Variants in RALGPS2 observed in about 807,000 individuals in gnomAD.
RALGPS2 encodes ras-specific guanine nucleotide-releasing factor RalGPS2.
Under a neutral mutation model 86.8 loss-of-function variants are expected in RALGPS2, and 43 were observed. That is an observed-to-expected ratio of 0.50 (90% CI 0.39 to 0.64). RALGPS2 has a LOEUF of 0.64. RALGPS2 is among the 30% of genes least tolerant of loss of function. The pLI, the probability that RALGPS2 is intolerant of heterozygous loss-of-function variation, is 0.00. For missense variants in RALGPS2, 536 were observed against 694.6 expected (o/e 0.77, Z 2.57); for synonymous variants, 243 against 231.3 (o/e 1.05, Z -0.46).
chr1:178,741,548 T>G (rs1651025287), intron 1 of RALGPS2, among the ~76,000 whole-genome samples: 1 of 152,200 alleles, frequency 6.6e-6, no homozygotes, highest in Admixed American at 6.6e-5. Flanking sequence ...AAACAAGATG[T>G]GATTCTTGGT....
At chr1:178,788,777 T>G (rs767155557) in intron 4 of RALGPS2, among the ~76,000 whole-genome samples, 1 of 147,224 alleles carries the variant, frequency 6.8e-6, no homozygotes, top group Non-Finnish European at 1.5e-5. Flanking sequence ...TAAGTCGCTC[T>G]TTTTTTTCTC....
chr1:178,865,013 A>G, intron 8 of RALGPS2: 3 of 1,477,266 alleles, frequency 2.0e-6, no homozygotes, highest in Non-Finnish European at 1.8e-6. Flanking sequence ...AGAAGTTGCC[A>G]GATCAGGTGG....
intron 4 of RALGPS2, among the ~76,000 whole-genome samples, chr1:178,799,179 A>G (rs569402475): frequency 1.3e-5 from 2 of 152,272 alleles, no homozygotes; most frequent in South Asian, 4.1e-4. Context: ...AGCTTGGATT[A>G]CAGGCACATG....
intron 1 of RALGPS2, among the ~76,000 whole-genome samples, chr1:178,769,280 C>T (rs931705862): frequency 5.3e-5 from 8 of 151,268 alleles, no homozygotes; most frequent in African/African-American, 1.7e-4. Flanking sequence ...GTGGAGAGGA[C>T]CCACCATGCA....
At chr1:178,770,270 C>T (rs1468355438) in intron 1 of RALGPS2, among the ~76,000 whole-genome samples, 1 of 151,838 alleles carries the variant, frequency 6.6e-6, no homozygotes, top group Non-Finnish European at 1.5e-5. Flanking sequence ...GCAATCCACC[C>T]ACCTCGGCCT....
intron 2 of RALGPS2, among the ~76,000 whole-genome samples, chr1:178,779,077 G>C (rs181614023): frequency 4.2e-4 from 64 of 152,138 alleles, no homozygotes; most frequent in African/African-American, 1.5e-3. Context: ...TCTTTTACTT[G>C]GAATCACTAA....
At chr1:178,902,917 A>G (rs1057269983) in intron 18 of RALGPS2, among the ~76,000 whole-genome samples, 3 of 152,178 alleles carry the variant, frequency 2.0e-5, no homozygotes, top group African/African-American at 7.2e-5. Flanking sequence ...ACACTTATGA[A>G]TAAAATAACT....
intron 1 of RALGPS2, chr1:178,747,732 TCCCA>T (rs1367060532): frequency 8.4e-7 from 1 of 1,194,566 alleles, no homozygotes; most frequent in Admixed American, 1.8e-5. Context: ...CTCCTTGAAC[TCCCA>T]CTTGATGGTG....
chr1:178,861,138 G>C (rs1427098690), intron 8 of RALGPS2, among the ~76,000 whole-genome samples: 1 of 152,010 alleles, frequency 6.6e-6, no homozygotes, highest in East Asian at 1.9e-4. Flanking sequence ...GTAGAACCAG[G>C]TGTTCTTAAT....
chr1:178,856,596 G>A (rs2102308676), intron 8 of RALGPS2, among the ~76,000 whole-genome samples: 1 of 151,216 alleles, frequency 6.6e-6, no homozygotes, highest in Admixed American at 6.6e-5. Flanking sequence ...CCAACTTTGT[G>A]CTTCTGGGAT....
chr1:178,735,979 C>T (rs1650677559), intron 1 of RALGPS2, among the ~76,000 whole-genome samples: 1 of 151,876 alleles, frequency 6.6e-6, no homozygotes, highest in African/African-American at 2.4e-5. Context: ...TCTTCCTGTA[C>T]TTACATAATT....
At chr1:178,825,633 A>G (rs977867321) in intron 7 of RALGPS2, among the ~76,000 whole-genome samples, 3 of 152,158 alleles carry the variant, frequency 2.0e-5, no homozygotes, top group Non-Finnish European at 2.9e-5. Context: ...TCTATAAATG[A>G]CAGTAACATA....
At chr1:178,831,190 G>A (rs566924300) in intron 7 of RALGPS2, among the ~76,000 whole-genome samples, 8 of 152,338 alleles carry the variant, frequency 5.3e-5, no homozygotes, top group Non-Finnish European at 4.4e-5. Context: ...CAATTGGATG[G>A]AAGATGAGTC....
chr1:178,833,155 ATTAAT>A lies in RALGPS2; in HGVS notation c.481-264_481-260del, dbSNP rs535391647. ...TTAGGAAGGTGATTAATAAAAATTGATTAATTTAAAATAGTAAACACGAAAATGTT... is the reference window on the plus strand; with the variant it reads ...TTAGGAAGGTGATTAATAAAAATTGATTAAAATAGTAAACACGAAAATGTT... On this transcript the variant is annotated intron_variant, in intron 7 of 19. Coordinates refer to ENST00000367635, the MANE Select transcript of RALGPS2 (RefSeq NM_152663.5). Among the ~76,000 whole-genome samples, 214 of 152,212 alleles carry A rather than the reference ATTAAT, an allele frequency of 1.4e-3. 2 individuals carry two copies. The highest frequency in any genetic ancestry group is 4.5e-3 in the African/African-American group (189 of 41,582).
chr1:178,762,511 G>A lies in RALGPS2; in HGVS notation c.-83-14171G>A, dbSNP rs190157769. Among the ~76,000 whole-genome samples, 156 of 152,272 alleles carry A rather than the reference G, an allele frequency of 1.0e-3. 2 individuals carry two copies. The highest frequency in any genetic ancestry group is 9.7e-3 in the Admixed American group (149 of 15,288). On this transcript the variant is annotated intron_variant, in intron 1 of 19. Transcript: ENST00000367635. The stretch of plus-strand genomic sequence containing the variant: ...TTTCCAGTTCTCTGCAGCCTTGCCA[G>A]CATCTGTTATTTCTTGACTTTTTAA...
At chr1:178,767,087 C>G (rs181975670) in intron 1 of RALGPS2, among the ~76,000 whole-genome samples, 5 of 152,194 alleles carry the variant, frequency 3.3e-5, no homozygotes, top group African/African-American at 1.2e-4. Flanking sequence ...TTAAAATGAC[C>G]ATTTCATCTT....
At chr1:178,833,302 T>C (rs1053031631) in intron 7 of RALGPS2, 122 bp from the exon 8 acceptor site, 1 of 926,864 alleles carries the variant, frequency 1.1e-6, no homozygotes, top group African/African-American at 1.7e-5. Context: ...CAAGATATAA[T>C]TAAAGAAGAT....
chr1:178,737,432 G>C (rs185757328), intron 1 of RALGPS2, among the ~76,000 whole-genome samples: 164 of 152,156 alleles, frequency 1.1e-3, no homozygotes, highest in African/African-American at 3.6e-3. Flanking sequence ...ATTTTTAGTA[G>C]AGACGGGGTT....
At chr1:178,864,827 AC>A in intron 8 of RALGPS2, 1 of 556,084 alleles carries the variant, frequency 1.8e-6, no homozygotes, top group Non-Finnish European at 2.7e-6. Flanking sequence ...TTAATAAAAA[AC>A]AATAGAAATT....
Sources: gnomAD v4.1 joint callset for allele counts (sites outside exome capture counted in the v4.1 genomes callset) on GRCh38, gnomAD v4.1.1 for gene constraint, MANE v1.5 for transcripts, NCBI Gene and HGNC (gene_info 2026-07-23, HGNC 2026-07-21) for gene names.